NUTM2G: variants seen among roughly 807,000 people sequenced by gnomAD.
The protein encoded by NUTM2G is family with sequence similarity 22, member G.
NUTM2G carries 29 observed loss-of-function variants against 44.3 expected under a neutral mutation model. The ratio of observed to expected loss-of-function variants is 0.66; its 90% CI spans 0.49 to 0.89. The LOEUF (loss-of-function observed/expected upper bound fraction) is 0.89, where lower values mean the gene tolerates loss of function less well. Among genes scored for constraint, NUTM2G ranks in the 40% least tolerant of loss-of-function variants. The pLI is 0.00. For synonymous variants in NUTM2G, 205 were observed against 395.9 expected (o/e 0.52, Z 5.72); for missense variants, 502 against 946.5 (o/e 0.53, Z 6.16).
At chr9:96,930,535 A>G (rs1212208899) in intron 1 of NUTM2G, among the ~76,000 whole-genome samples, 1 of 147,970 alleles carries the variant, frequency 6.8e-6, no homozygotes, top group Non-Finnish European at 1.5e-5. Flanking sequence ...AAAAAAAAAA[A>G]AAAGAAAAAA....
chr9:96,935,658 C>G (rs1289383731), intron 3 of NUTM2G, among the ~76,000 whole-genome samples: 2 of 152,200 alleles, frequency 1.3e-5, no homozygotes, highest in South Asian at 4.1e-4. Context: ...TCTTGGGAAG[C>G]ACCCCCTGCC....
chr9:96,940,606 G>A (rs1325810494), downstream of NUTM2G, among the ~76,000 whole-genome samples: 1 of 151,582 alleles, frequency 6.6e-6, no homozygotes, highest in African/African-American at 2.4e-5. Context: ...CAGGGCCCTT[G>A]TTGGCTCAGG....
rs573393612 is a variant in NUTM2G at position 96,938,118 on chromosome 9, C to A, written c.1440+117C>A. 6.4e-6 allele frequency: 7 copies of A among 1,101,792 alleles called. No individual in the cohort carries two copies. In the South Asian group the frequency reaches 9.7e-5, roughly 15 times the overall value. The allele number at this position is 1,101,792 out of a possible 1,614,324, so 68.3% of individuals were successfully genotyped here. Reference sequence around the variant, plus strand: ...TGGGGATGTTCAGCTTCTTGGGGAGCCACTCCGGGGTGGGAAGATGCAGGT... The same window carrying A: ...TGGGGATGTTCAGCTTCTTGGGGAGACACTCCGGGGTGGGAAGATGCAGGT... On this transcript the variant is annotated intron_variant, in intron 6 of 6. Coordinates refer to ENST00000372322, the MANE Select transcript of NUTM2G (RefSeq NM_001170741.3).
Position 96,934,429 on chromosome 9 carries a change from G to A in NUTM2G, c.714-899G>A, listed in dbSNP as rs1490471782. ...AACTGGTTGCATCCCCCCTTGGAGC[G>A]GAGTCCCGGTGCACTGGGGACCCTG... On this transcript the variant is annotated intron_variant, in intron 2 of 6. Coordinates refer to ENST00000372322, the MANE Select transcript of NUTM2G (RefSeq NM_001170741.3). Among the ~76,000 whole-genome samples, 4 of 151,888 alleles carry A rather than the reference G, an allele frequency of 2.6e-5. No homozygotes were observed. The East Asian group carries it at 5.8e-4, about 22-fold the overall frequency.
intron 3 of NUTM2G, 107 bp downstream of exon 3, chr9:96,935,563 GACAA>G (rs1826402854): frequency 6.2e-7 from 1 of 1,603,110 alleles, no homozygotes; most frequent in South Asian, 1.1e-5. Context: ...GGAGGGTGTG[GACAA>G]ACACAGGACG....
At chr9:96,936,642 T>C (rs1399608172) in intron 4 of NUTM2G, 78 bp downstream of exon 4, 2 of 1,507,802 alleles carry the variant, frequency 1.3e-6, no homozygotes, top group African/African-American at 1.4e-5. Flanking sequence ...CCACATCCCA[T>C]GCTTCCCTTC....
Position 96,937,356 on chromosome 9 carries a change from C to A in NUTM2G, c.1275C>A (p.Leu425=). 1 of 1,613,910 alleles carries A rather than the reference C, an allele frequency of 6.2e-7. No individual in the cohort carries two copies. Among genetic ancestry groups the A allele is most frequent in the Non-Finnish European group, 8.5e-7 (1 of 1,179,860 alleles). ...ACGGGATGACCTCAGACCCGGGCCT[C>A]CTGAGCTACATTGACAAGCTGTGTT... is the stretch of plus-strand genomic sequence containing the variant. The part of the protein sequence containing the change: ...EEDGMTSDPG[L]LSYIDKLCSQ... Residue 425 remains leucine, a synonymous_variant, in exon 5 of 7, where the codon CTC becomes CTA. Transcript: ENST00000372322.
In NUTM2G at chr9:96,938,010, G is replaced by A. The variant is rs1480791908; in HGVS notation, c.1440+9G>A. 1 of 1,612,410 alleles carries A rather than the reference G, an allele frequency of 6.2e-7. No homozygotes were observed. The highest frequency in any genetic ancestry group is 8.5e-7 in the Non-Finnish European group (1 of 1,179,848). On this transcript the variant is annotated intron_variant, in intron 6 of 6. Transcript: ENST00000372322. ...GACTCACCCTTGCCCAGGTAGAGCA[G>A]CAGAGGGAGGGGAACCCAGGTACTC...
chr9:96,940,206 AGGGGCCGAGG>A (rs1457324445), downstream of NUTM2G: 1 of 149,060 alleles, frequency 6.7e-6, no homozygotes, highest in Non-Finnish European at 1.5e-5. Flanking sequence ...CCAGGCCGAG[AGGGGCCGAGG>A]GTCAGTCGCC....
chr9:96,937,758 A>T, intron 5 of NUTM2G, 127 bp from the exon 6 acceptor site: 1 of 1,151,276 alleles, frequency 8.7e-7, no homozygotes, highest in Non-Finnish European at 1.2e-6. Context: ...GGTGGTCGCC[A>T]TGATATGAAA....
chr9:96,929,198 T>C (rs1365281937), intron 1 of NUTM2G, among the ~76,000 whole-genome samples, 158 bp downstream of exon 1: 1 of 152,158 alleles, frequency 6.6e-6, no homozygotes, highest in Non-Finnish European at 1.5e-5. Flanking sequence ...CATGGCACCC[T>C]GAGTCTGTGG....
chr9:96,936,152 A>C (rs1391208629), intron 3 of NUTM2G, among the ~76,000 whole-genome samples: 1 of 148,968 alleles, frequency 6.7e-6, no homozygotes, highest in Admixed American at 6.7e-5. Context: ...TGATACCTGG[A>C]GGAGGGGTTC....
intron 5 of NUTM2G, among the ~76,000 whole-genome samples, 176 bp from the exon 6 acceptor site, chr9:96,937,707 ATG>A (rs1408158649): frequency 2.3e-5 from 3 of 130,428 alleles, no homozygotes; most frequent in Admixed American, 7.0e-5. Context: ...GTGTCTCTGT[ATG>A]TGTGTATGCT....
downstream of NUTM2G, among the ~76,000 whole-genome samples, chr9:96,941,117 C>T (rs547986315): frequency 2.7e-3 from 406 of 149,400 alleles, no homozygotes; most frequent in African/African-American, 9.7e-3. Context: ...CGTACTCTGG[C>T]GTGTGTGGGT....
chr9:96,933,107 A>G (rs1246968829), intron 2 of NUTM2G, among the ~76,000 whole-genome samples: 1 of 150,402 alleles, frequency 6.6e-6, no homozygotes, highest in African/African-American at 2.5e-5. Context: ...GCTCCCGAGT[A>G]GCTGGGACTA....
chr9:96,936,795 C>T (rs1401704295), intron 4 of NUTM2G, among the ~76,000 whole-genome samples: 1 of 152,220 alleles, frequency 6.6e-6, no homozygotes, highest in African/African-American at 2.4e-5. Flanking sequence ...TCTCTCTCCC[C>T]TTGCCTGTCC....
At chr9:96,942,899 G>A (rs1319900610), downstream of NUTM2G, 5 of 145,538 alleles carry the variant, frequency 3.4e-5, no homozygotes, top group Non-Finnish European at 5.9e-5. Context: ...CCCTTCATTA[G>A]AATAGACAGA....
intron 3 of NUTM2G, 55 bp downstream of exon 3, chr9:96,935,511 A>AT (rs1564032756): frequency 6.2e-7 from 1 of 1,611,414 alleles, no homozygotes; most frequent in Non-Finnish European, 8.5e-7. Flanking sequence ...AGTGAATGAC[A>AT]GAGGCCCGGT....
chr9:96,931,487 G>C (rs1020190231), intron 1 of NUTM2G, among the ~76,000 whole-genome samples: 13 of 151,682 alleles, frequency 8.6e-5, no homozygotes, highest in African/African-American at 4.8e-5. Flanking sequence ...GCAAAGGCTT[G>C]GCTGTTTCTT....
Sources: gnomAD v4.1 joint callset for allele counts (sites outside exome capture counted in the v4.1 genomes callset) on GRCh38, gnomAD v4.1.1 for gene constraint, MANE v1.5 for transcripts, NCBI Gene and HGNC (gene_info 2026-07-23, HGNC 2026-07-21) for gene names.